Variants in PC observed in about 807,000 individuals in gnomAD.
The protein encoded by PC is pyruvate carboxylase, mitochondrial.
A neutral mutation model predicts 107.8 loss-of-function variants in PC; 46 were observed. The ratio of observed to expected loss-of-function variants is 0.43; its 90% CI spans 0.34 to 0.55. PC has a LOEUF of 0.55. Ranked by LOEUF, PC falls within the 20% of genes least tolerant of loss-of-function variation. PC has a pLI of 0.04. For missense variants in PC, 1,241 were observed against 1,643.1 expected (o/e 0.76, Z 4.23); for synonymous variants, 662 against 684.7 (o/e 0.97, Z 0.52).
At chr11:66,883,311 C>G (rs906204835) in intron 3 of PC, among the ~76,000 whole-genome samples, 15 of 152,200 alleles carry the variant, frequency 9.9e-5, no homozygotes, top group African/African-American at 3.6e-4. Flanking sequence ...CACTGGAAAG[C>G]AGTGAGAATT....
At chr11:66,859,091 C>A in intron 12 of PC, 2 of 1,486,610 alleles carry the variant, frequency 1.3e-6, no homozygotes, top group South Asian at 1.4e-5. Context: ...CCCTCATCTA[C>A]CGGTGAGGAT....
Position 66,858,093 on chromosome 11 carries a change from C to T in PC, c.1369-4710G>A, listed in dbSNP as rs1290542436. On this transcript the variant is annotated intron_variant, in intron 12 of 22. Transcript: ENST00000393960. This position sits in a 1 kb window ranked among gnomAD's most constrained non-coding sequence, Gnocchi z 5.9. ...GGTGGAGCTGGGCACCGGGAGCCTC[C>T]GGGGCCCCGTCAATCTGCAGCACCT... 3 of 1,609,418 alleles carry T rather than the reference C, an allele frequency of 1.9e-6. No homozygotes were observed. The highest frequency in any genetic ancestry group is 2.5e-6 in the Non-Finnish European group (3 of 1,178,200).
chr11:66,855,836 G>A (rs1945775578), intron 12 of PC, among the ~76,000 whole-genome samples: 3 of 152,220 alleles, frequency 2.0e-5, no homozygotes, highest in Non-Finnish European at 4.4e-5. Flanking sequence ...CTGGCCTACA[G>A]GAGGAACTTG....
At chr11:66,877,782 C>T (rs1947037113) in intron 3 of PC, among the ~76,000 whole-genome samples, 1 of 152,166 alleles carries the variant, frequency 6.6e-6, no homozygotes, top group African/African-American at 2.4e-5. Flanking sequence ...ATGGGAAATG[C>T]TTGTGATGTA....
intron 11 of PC, among the ~76,000 whole-genome samples, chr11:66,865,044 G>C (rs1946431394): frequency 6.6e-6 from 1 of 152,244 alleles, no homozygotes; most frequent in African/African-American, 2.4e-5. Context: ...GCTCTGAAGA[G>C]CCAGGGCTTG....
intron 1 of PC, among the ~76,000 whole-genome samples, chr11:66,956,871 C>T (rs1021537752): frequency 1.3e-5 from 2 of 152,364 alleles, no homozygotes; most frequent in East Asian, 1.9e-4. Context: ...ACATCTGCAG[C>T]AGGCTGCCTT....
intron 3 of PC, among the ~76,000 whole-genome samples, chr11:66,917,238 A>G (rs1212684512): frequency 1.3e-5 from 2 of 151,728 alleles, no homozygotes; most frequent in African/African-American, 2.4e-5. Flanking sequence ...CACCCGGCTA[A>G]TTTTTGTATT....
chr11:66,955,812 G>A (rs1429653526), intron 1 of PC, among the ~76,000 whole-genome samples: 19 of 150,410 alleles, frequency 1.3e-4, no homozygotes, highest in Admixed American at 9.3e-4. Context: ...TCATGCTGTC[G>A]CCCAGGCTGG....
rs1224046153 is a variant in PC, at chr11:66,944,552, T to C, written c.-1+7878A>G. Among the ~76,000 whole-genome samples, 2 of 116,688 alleles carry C rather than the reference T, an allele frequency of 1.7e-5. 1 individual carries two copies. The highest frequency in any genetic ancestry group is 3.8e-5 in the Non-Finnish European group (2 of 52,566). 76.6% of individuals were successfully genotyped at this position (116,688 alleles called of 152,430 possible). On this transcript the variant is annotated intron_variant, in intron 3 of 22. Transcript: ENST00000393960. ...CGAGATTGCACCACTGCATCCATCC[T>C]GGGTGACACAGCAAGACTGTCTCAA...
chr11:66,872,061 C>T lies in PC; in HGVS notation c.99G>A (p.Glu33=), dbSNP rs1207515157. Residue 33 remains glutamate (E), a synonymous_variant, in exon 4 of 23, where the codon GAG becomes GAA. Coordinates refer to ENST00000393960, the MANE Select transcript of PC (RefSeq NM_001040716.2). The stretch of plus-strand genomic sequence containing the variant: ...CCATGACTTTCTTGATGGGCTTATA[C>T]TCCAGGCGCCGGACATTTGGGGAGG... The part of the protein sequence containing the change: ...PAASPNVRRL[E]YKPIKKVMVA... 1.3e-6 allele frequency: 2 copies of T among 1,563,810 alleles called. No individual in the cohort carries two copies. Among genetic ancestry groups the T allele is most frequent in the South Asian group, 1.2e-5 (1 of 85,016 alleles).
intron 3 of PC, among the ~76,000 whole-genome samples, chr11:66,901,017 A>C (rs1361362616): frequency 6.6e-6 from 1 of 152,138 alleles, no homozygotes; most frequent in Non-Finnish European, 1.5e-5. Context: ...ATTTTGAACT[A>C]GTAACTAGTT....
At position 66,869,019 on chromosome 11, in the gene PC, CACTG is replaced by C; in HGVS notation, c.904-59_904-56del. On this transcript the variant is annotated intron_variant, in intron 9 of 22. Coordinates refer to ENST00000393960, the MANE Select transcript of PC (RefSeq NM_001040716.2). ...GGCACAGGCAGGGCCTGGGCAAACT[CACTG>C]GACTCAGGACAGGGATTCCGTCCCA... 2.3e-6 allele frequency: 3 copies of C among 1,329,960 alleles called. No homozygotes were observed. The Admixed American group carries it at 5.1e-5, about 22-fold the overall frequency. The allele number at this position is 1,329,960 out of a possible 1,614,324, so 82.4% of individuals were successfully genotyped here.
intron 12 of PC, among the ~76,000 whole-genome samples, chr11:66,861,045 C>T (rs1304029642): frequency 6.6e-6 from 1 of 152,248 alleles, no homozygotes. Context: ...CCGTGATCCT[C>T]TGGAAGGTTC....
At chr11:66,898,753 G>A (rs981865109) in intron 3 of PC, among the ~76,000 whole-genome samples, 3 of 152,122 alleles carry the variant, frequency 2.0e-5, no homozygotes, top group Non-Finnish European at 4.4e-5. Flanking sequence ...GCCATAATCC[G>A]CTTTTAGAAC....
intron 9 of PC, among the ~76,000 whole-genome samples, chr11:66,869,904 A>C (rs530719498): frequency 6.6e-6 from 1 of 152,352 alleles, no homozygotes; most frequent in East Asian, 1.9e-4. Context: ...ATGATGTAGG[A>C]GACAGAAGCA....
chr11:66,894,318 C>T (rs1947673603), intron 3 of PC, among the ~76,000 whole-genome samples: 1 of 152,168 alleles, frequency 6.6e-6, no homozygotes, highest in Non-Finnish European at 1.5e-5. Flanking sequence ...TCTCAGAAAT[C>T]CTAGCACCTG....
rs772605246 is a variant in PC, at chr11:66,853,222, G to A, written c.1513+17C>T. 10 of 1,612,604 alleles carry A rather than the reference G, an allele frequency of 6.2e-6. No homozygotes were observed. Among genetic ancestry groups the A allele is most frequent in the Non-Finnish European group, 8.5e-6 (10 of 1,179,156 alleles). ...GGAGGGGAGGGGAGGGCAGGGCAGG[G>A]CAGTCTCGGGCCAGACCGAGGTAGT... On this transcript the variant is annotated intron_variant, in intron 13 of 22. Coordinates refer to ENST00000393960, the MANE Select transcript of PC (RefSeq NM_001040716.2).
At position 66,848,934 on chromosome 11, in the gene PC, G is replaced by A. The variant is rs1206785769; in HGVS notation, c.3502C>T (p.Leu1168=). The A allele has an allele frequency of 3.1e-6, 5 of 1,614,028 alleles. No individual in the cohort carries two copies. The highest frequency in any genetic ancestry group is 2.5e-6 in the Non-Finnish European group (3 of 1,180,038). The change falls in exon 23 of 23, where the codon CTG becomes TTG. Residue 1168 remains leucine, a synonymous_variant. Coordinates refer to ENST00000393960, the MANE Select transcript of PC (RefSeq NM_001040716.2). ...TCCAGGATGAGGTCGTCACCTTCCA[G>A]TGTCATGTCCTTGGTCACATGAACC... is the stretch of plus-strand genomic sequence containing the variant. ...RKVHVTKDMT[L]EGDDLILEIE
chr11:66,856,918 G>A (rs1945878051), intron 12 of PC: 3 of 146,738 alleles, frequency 2.0e-5, no homozygotes, highest in South Asian at 4.2e-4. Context: ...GCGCCGGCCC[G>A]GGCCTCGGGC....
Sources: allele counts gnomAD v4.1 joint callset (sites outside exome capture counted in the v4.1 genomes callset), GRCh38; gene constraint gnomAD v4.1.1; non-coding constraint Gnocchi (gnomAD v3.1); transcripts MANE v1.5; gene names NCBI Gene and HGNC (gene_info 2026-07-23, HGNC 2026-07-21).